MADD: variants seen among roughly 807,000 people sequenced by gnomAD.
The protein encoded by MADD is MAP kinase-activating death domain protein.
A neutral mutation model predicts 176.7 loss-of-function variants in MADD; 109 were observed. The observed-to-expected ratio is 0.62, with a 90% confidence interval of 0.53 to 0.72. The LOEUF (loss-of-function observed/expected upper bound fraction) is 0.72. Among genes scored for constraint, MADD ranks in the 30% least tolerant of loss-of-function variants. The pLI is 0.00. For missense variants in MADD, 1,914 were observed against 2,045.5 expected, an observed-to-expected ratio of 0.94 and a Z score of 1.24; for synonymous variants, 771 against 771.3, an observed-to-expected ratio of 1.00 and a Z score of 0.01.
At chr11:47,284,617 C>T (rs1162861559) in intron 12 of MADD, 52 bp downstream of exon 12, 6 of 1,579,768 alleles carry the variant, frequency 3.8e-6, no homozygotes, top group Admixed American at 3.6e-5. Context: ...ATGTGGGCCT[C>T]ATCTATTAGG....
exon 14 of MADD, chr11:47,285,483 G>A: frequency 1.9e-6 from 3 of 1,614,168 alleles, no homozygotes; most frequent in Non-Finnish European, 2.5e-6. Flanking sequence ...AACAGCTTGA[G>A]ACTGGCAAGT....
intron 22 of MADD, 136 bp from the exon 25 acceptor site, chr11:47,308,455 G>A: frequency 1.7e-6 from 1 of 589,704 alleles, no homozygotes; most frequent in Admixed American, 3.0e-5. Context: ...AAGTGGACTT[G>A]CAGAAGCAGG....
At chr11:47,324,825 A>C in intron 30 of MADD, 1 of 655,774 alleles carries the variant, frequency 1.5e-6, no homozygotes, top group Non-Finnish European at 2.8e-6. Context: ...CCAGGTGGCC[A>C]CGCTGCCCCA....
intron 27 of MADD, among the ~76,000 whole-genome samples, chr11:47,316,373 T>TTTTTC (rs2092940565): frequency 6.8e-5 from 9 of 132,078 alleles, no homozygotes; most frequent in Admixed American, 5.3e-4. Context: ...AGTGGATTTT[T>TTTTTC]TTTTTCTTTT....
intron 22 of MADD, among the ~76,000 whole-genome samples, chr11:47,306,992 T>TCTGGGCTCAAGCAATCCACCCA (rs1209451589): frequency 1.3e-5 from 2 of 152,132 alleles, no homozygotes; most frequent in African/African-American, 4.8e-5. Context: ...GCCTCAAACT[T>TCTGGGCTCAAGCAATCCACCCA]CTGGGCTCAA....
intron 1 of MADD, among the ~76,000 whole-genome samples, chr11:47,271,709 T>C (rs962476789): frequency 8.6e-5 from 13 of 151,912 alleles, no homozygotes; most frequent in Admixed American, 3.9e-4. Flanking sequence ...GCTCTCACTC[T>C]AGTCATTTCT....
At chr11:47,276,884 C>A in intron 5 of MADD, 21 bp downstream of exon 5, 1 of 1,611,654 alleles carries the variant, frequency 6.2e-7, no homozygotes, top group Admixed American at 1.7e-5. Flanking sequence ...AGGCGACTTC[C>A]GGCTTTCTCA....
At chr11:47,304,549 C>G (rs573453655) in intron 22 of MADD, among the ~76,000 whole-genome samples, 1 of 151,546 alleles carries the variant, frequency 6.6e-6, no homozygotes, top group African/African-American at 2.4e-5. Flanking sequence ...ATTTTTTAAA[C>G]TTTGTTCATT....
At chr11:47,300,529 G>A (rs146729950) in intron 22 of MADD, among the ~76,000 whole-genome samples, 12 of 149,690 alleles carry the variant, frequency 8.0e-5, no homozygotes, top group Admixed American at 3.3e-4. Context: ...ACAGAGTCTC[G>A]CTCTGTTGCT....
exon 22 of MADD, chr11:47,295,965 A>C (rs182035796): frequency 6.2e-7 from 1 of 1,614,112 alleles, no homozygotes; most frequent in Non-Finnish European, 8.5e-7. Flanking sequence ...GTGATGGACC[A>C]GGTGGCGAGG....
At chr11:47,288,267 C>T (rs902376537) in intron 15 of MADD, among the ~76,000 whole-genome samples, 1 of 152,102 alleles carries the variant, frequency 6.6e-6, no homozygotes, top group African/African-American at 2.4e-5. Flanking sequence ...CCAGCCTGGA[C>T]GACAGAGTGA....
At chr11:47,287,842 G>A (rs1033828969) in intron 15 of MADD, among the ~76,000 whole-genome samples, 1 of 135,044 alleles carries the variant, frequency 7.4e-6, no homozygotes, top group Non-Finnish European at 1.5e-5. Context: ...CCAGGCTGGA[G>A]TGCAGTGGTG....
At chr11:47,296,220 CAG>C (rs1468030741) in intron 22 of MADD, among the ~76,000 whole-genome samples, 165 bp downstream of exon 24, 5 of 152,184 alleles carry the variant, frequency 3.3e-5, no homozygotes, top group Non-Finnish European at 5.9e-5. Flanking sequence ...AGGCTTTGTT[CAG>C]AGTCATTTGA....
chr11:47,277,830 G>A (rs1385725051), intron 5 of MADD, among the ~76,000 whole-genome samples: 2 of 152,122 alleles, frequency 1.3e-5, no homozygotes, highest in Non-Finnish European at 2.9e-5. Flanking sequence ...CAGAACTATT[G>A]TCCTGCACTT....
At chr11:47,300,457 G>T (rs112652091) in intron 22 of MADD, among the ~76,000 whole-genome samples, 8 of 79,134 alleles carry the variant, frequency 1.0e-4, no homozygotes, top group Admixed American at 8.6e-4. Flanking sequence ...TCTACCCCCC[G>T]CCCGCCCCAA....
intron 4 of MADD, 116 bp from the exon 5 acceptor site, chr11:47,276,616 C>G (rs914905166): frequency 1.5e-6 from 2 of 1,309,444 alleles, no homozygotes; most frequent in East Asian, 2.3e-5. Flanking sequence ...GTGGGAGAGA[C>G]AAAGCTGGAG....
At chr11:47,282,888 T>A in exon 10 of MADD, 1 of 1,614,128 alleles carries the variant, frequency 6.2e-7, no homozygotes, top group Non-Finnish European at 8.5e-7. Context: ...CACTATCGCG[T>A]CTATGACAGC....
chr11:47,271,613 C>G (rs1389571084), intron 1 of MADD, among the ~76,000 whole-genome samples: 1 of 152,084 alleles, frequency 6.6e-6, no homozygotes, highest in Admixed American at 6.5e-5. Flanking sequence ...TTGGAGAGGG[C>G]TCCGGGTTTT....
At chr11:47,320,108 TGTC>T (rs1259118139) in intron 27 of MADD, among the ~76,000 whole-genome samples, 1 of 150,966 alleles carries the variant, frequency 6.6e-6, no homozygotes, top group African/African-American at 2.4e-5. Context: ...AGCCATTAGA[TGTC>T]GTATGGTGTA....
Sources: gnomAD v4.1 joint callset for allele counts (sites outside exome capture counted in the v4.1 genomes callset) on GRCh38, gnomAD v4.1.1 for gene constraint, MANE v1.5 for transcripts, NCBI Gene and HGNC (gene_info 2026-07-23, HGNC 2026-07-21) for gene names.